INSYN2B: variants seen among roughly 807,000 people sequenced by gnomAD.
INSYN2B encodes inhibitory synaptic factor family member 2B, also known as protein INSYN2B.
Under a neutral mutation model 41.2 loss-of-function variants are expected in INSYN2B, and 16 were observed. That is an observed-to-expected ratio of 0.39 (90% CI 0.26 to 0.59). The LOEUF (loss-of-function observed/expected upper bound fraction) is 0.59, where lower values mean the gene tolerates loss of function less well. INSYN2B is among the 20% of genes least tolerant of loss of function. The pLI is 0.57. For missense variants in INSYN2B, 608 were observed against 646.4 expected (o/e 0.94, Z 0.64); for synonymous variants, 245 against 244.4 (o/e 1.00, Z -0.02).
intron 1 of INSYN2B, among the ~76,000 whole-genome samples, chr5:169,927,364 A>G (rs1037252543): frequency 2.5e-4 from 38 of 152,306 alleles, no homozygotes; most frequent in African/African-American, 7.5e-4. Context: ...TGGAGATTCA[A>G]TAGAGATTGC....
chr5:169,929,579 A>G (rs569985594), intron 1 of INSYN2B, among the ~76,000 whole-genome samples: 32 of 152,058 alleles, frequency 2.1e-4, no homozygotes, highest in African/African-American at 7.5e-4. Flanking sequence ...TCTAACAACA[A>G]CAACAACAAC....
intron 1 of INSYN2B, among the ~76,000 whole-genome samples, chr5:169,935,585 G>A (rs189086615): frequency 2.0e-4 from 30 of 152,316 alleles, no homozygotes; most frequent in African/African-American, 7.2e-4. Flanking sequence ...TGGTGGAGAA[G>A]TCGGAGTTTT....
intron 1 of INSYN2B, among the ~76,000 whole-genome samples, chr5:169,916,135 G>A (rs927228132): frequency 1.3e-5 from 2 of 152,294 alleles, no homozygotes; most frequent in South Asian, 2.1e-4. Flanking sequence ...CCTGATTCCC[G>A]GGATTTACTC....
intron 1 of INSYN2B, among the ~76,000 whole-genome samples, chr5:169,918,708 T>A (rs1407251326): frequency 1.3e-5 from 2 of 152,012 alleles, no homozygotes; most frequent in Non-Finnish European, 2.9e-5. Flanking sequence ...AGTTCAGGGG[T>A]TTGAGACCAG....
chr5:169,924,054 C>T (rs1775312225), intron 1 of INSYN2B, among the ~76,000 whole-genome samples: 1 of 152,146 alleles, frequency 6.6e-6, no homozygotes, highest in Non-Finnish European at 1.5e-5. Flanking sequence ...TAGCTGATGC[C>T]CCTTGTCTCC....
chr5:169,904,147 G>C (rs1340687558), intron 1 of INSYN2B, among the ~76,000 whole-genome samples: 1 of 151,776 alleles, frequency 6.6e-6, no homozygotes, highest in Non-Finnish European at 1.5e-5. Context: ...ATTTTCTGGG[G>C]CTGCCTAGAT....
intron 1 of INSYN2B, among the ~76,000 whole-genome samples, chr5:169,958,990 TAGTAA>T (rs1776972830): frequency 1.3e-5 from 2 of 152,350 alleles, no homozygotes; most frequent in South Asian, 4.1e-4. Flanking sequence ...CAGCTCCCGT[TAGTAA>T]ACTACTAACT....
chr5:169,921,063 A>G (rs1051703926), intron 1 of INSYN2B, among the ~76,000 whole-genome samples: 1 of 152,204 alleles, frequency 6.6e-6, no homozygotes, highest in Non-Finnish European at 1.5e-5. Context: ...CCTTCTGGAA[A>G]TTCTTTTAAA....
chr5:169,922,229 G>A (rs1176633333), intron 1 of INSYN2B, among the ~76,000 whole-genome samples: 6 of 152,152 alleles, frequency 3.9e-5, no homozygotes, highest in African/African-American at 7.2e-5. Flanking sequence ...TTGCCTAAAG[G>A]TATTTATTGC....
chr5:169,954,028 T>C (rs190469870), intron 1 of INSYN2B, among the ~76,000 whole-genome samples: 75 of 152,352 alleles, frequency 4.9e-4, no homozygotes, highest in African/African-American at 1.8e-3. Flanking sequence ...TATACTCTGG[T>C]TCTAGAGCAA....
At chr5:169,954,169 A>G (rs1194680271) in intron 1 of INSYN2B, among the ~76,000 whole-genome samples, 1 of 152,216 alleles carries the variant, frequency 6.6e-6, no homozygotes, top group Non-Finnish European at 1.5e-5. Flanking sequence ...GTATGTTTAA[A>G]AGAGGTTTTA....
intron 1 of INSYN2B, among the ~76,000 whole-genome samples, chr5:169,979,707 G>C (rs1184379143): frequency 6.6e-6 from 1 of 152,198 alleles, no homozygotes; most frequent in Non-Finnish European, 1.5e-5. Context: ...CCAAACTTCA[G>C]TCACATTGCA....
chr5:169,955,401 G>T (rs756248085), intron 1 of INSYN2B, among the ~76,000 whole-genome samples: 15 of 152,130 alleles, frequency 9.9e-5, no homozygotes, highest in Admixed American at 7.2e-4. Context: ...GAGAGAGAGA[G>T]AGAGACTGGG....
At chr5:169,968,274 G>A (rs1385097872) in intron 1 of INSYN2B, among the ~76,000 whole-genome samples, 1 of 152,202 alleles carries the variant, frequency 6.6e-6, no homozygotes, top group Non-Finnish European at 1.5e-5. Context: ...TGGGATAGCT[G>A]AGAAGACCTT....
intron 1 of INSYN2B, among the ~76,000 whole-genome samples, chr5:169,886,582 C>A (rs543624116): frequency 6.6e-6 from 1 of 152,340 alleles, no homozygotes; most frequent in South Asian, 2.1e-4. Context: ...TATGTATTAA[C>A]AACTCACTGT....
intron 1 of INSYN2B, among the ~76,000 whole-genome samples, chr5:169,895,061 T>G (rs1395835811): frequency 6.6e-6 from 1 of 152,204 alleles, no homozygotes; most frequent in Non-Finnish European, 1.5e-5. Context: ...TGTTGCATTC[T>G]GGGACTTAGG....
intron 1 of INSYN2B, among the ~76,000 whole-genome samples, chr5:169,897,851 G>C (rs1016746527): frequency 2.6e-5 from 4 of 152,206 alleles, no homozygotes; most frequent in African/African-American, 9.7e-5. Flanking sequence ...CTATGTAATA[G>C]AGGAGTGGAC....
At chr5:169,867,252 G>A (rs769998178) in intron 3 of INSYN2B, among the ~76,000 whole-genome samples, 17 of 152,150 alleles carry the variant, frequency 1.1e-4, no homozygotes, top group Non-Finnish European at 1.5e-4. Context: ...ATTAGATTCC[G>A]GCCTTAGGCA....
intron 1 of INSYN2B, among the ~76,000 whole-genome samples, chr5:169,905,097 A>G (rs1774201719): frequency 6.6e-6 from 1 of 152,178 alleles, no homozygotes; most frequent in East Asian, 1.9e-4. Flanking sequence ...CTCAGTAAAT[A>G]TGAGGTGCTG....
Sources: gnomAD v4.1 joint callset for allele counts (sites outside exome capture counted in the v4.1 genomes callset) on GRCh38, gnomAD v4.1.1 for gene constraint, MANE v1.5 for transcripts, NCBI Gene and HGNC (gene_info 2026-07-23, HGNC 2026-07-21) for gene names.